The following MAML3 variants were observed in gnomAD, a reference collection of about 807,000 sequenced individuals.
MAML3 encodes the protein mastermind-like protein 3.
In MAML3, 27 loss-of-function variants were observed where a neutral mutation model predicts 101.9. The observed-to-expected ratio is 0.27, with a 90% CI of 0.20 to 0.37. The LOEUF (loss-of-function observed/expected upper bound fraction) is 0.37. MAML3 is among the 10% of genes least tolerant of loss of function. The pLI is 1.00. For missense variants in MAML3, 1,316 were observed against 1,444.9 expected (o/e 0.91, Z 1.45); for synonymous variants, 501 against 555.9 (o/e 0.90, Z 1.39).
rs112674681 is a variant in MAML3, at chr4:139,959,670, A to G, written c.469-68703T>C. Among the ~76,000 whole-genome samples the G allele has an allele frequency of 4.0e-4, 61 of 152,340 alleles. 1 individual carries two copies. Among genetic ancestry groups the G allele is most frequent in the African/African-American group, 1.4e-3 (59 of 41,574 alleles). Reference sequence around the variant, plus strand: ...TGAACAGCTTACCTATAATGGACTAATCTGGGAAAACATTGACGGTATTGA... The same window carrying G: ...TGAACAGCTTACCTATAATGGACTAGTCTGGGAAAACATTGACGGTATTGA... On this transcript the variant is annotated intron_variant, in intron 1 of 4. Coordinates refer to ENST00000509479, the MANE Select transcript of MAML3 (RefSeq NM_018717.5).
intron 2 of MAML3, among the ~76,000 whole-genome samples, chr4:139,842,292 C>A (rs970372942): frequency 2.0e-5 from 3 of 152,174 alleles, no homozygotes; most frequent in Non-Finnish European, 2.9e-5. Context: ...TTTATTCATG[C>A]GAACATACCT....
chr4:139,894,511 AAAAG>A (rs58209239), intron 1 of MAML3, among the ~76,000 whole-genome samples: 33,031 of 136,126 alleles, frequency 0.24, 3,995 homozygotes, highest in Non-Finnish European at 0.27. Flanking sequence ...TCCATCTTAA[AAAAG>A]AAAGAAAGAA....
intron 1 of MAML3, among the ~76,000 whole-genome samples, chr4:139,990,220 T>C (rs1353950872): frequency 2.0e-5 from 3 of 152,194 alleles, no homozygotes; most frequent in African/African-American, 7.2e-5. Context: ...GTGGGCTTCA[T>C]TCCTGGGATG....
intron 1 of MAML3, among the ~76,000 whole-genome samples, chr4:139,943,300 A>G (rs560120443): frequency 7.2e-5 from 11 of 152,240 alleles, no homozygotes; most frequent in Admixed American, 2.6e-4. Context: ...CAGGAAAAGA[A>G]CAAAGAGGGC....
chr4:139,877,243 A>C (rs1732132611), intron 2 of MAML3, among the ~76,000 whole-genome samples: 1 of 152,196 alleles, frequency 6.6e-6, no homozygotes, highest in South Asian at 2.1e-4. Context: ...GATCCGCTGC[A>C]AACCATTTGT....
chr4:140,039,241 C>T lies in MAML3; in HGVS notation c.468+113619G>A, dbSNP rs17005490. On this transcript the variant is annotated intron_variant, in intron 1 of 4. Coordinates refer to ENST00000509479, the MANE Select transcript of MAML3 (RefSeq NM_018717.5). The stretch of plus-strand genomic sequence containing the variant: ...AGAGTAAATTCAAAGGGGAGAACCA[C>T]ACCAGCCTCACAGAAATTTCAGGAA... Among the ~76,000 whole-genome samples, 1,519 of 152,298 alleles carry T rather than the reference C, an allele frequency of 1.0e-2. 24 individuals are homozygous for T. Among genetic ancestry groups the T allele is most frequent in the African/African-American group, 0.034 (1,429 of 41,550 alleles).
At chr4:140,019,426 G>A in intron 1 of MAML3, among the ~76,000 whole-genome samples, 1 of 152,140 alleles carries the variant, frequency 6.6e-6, no homozygotes, top group East Asian at 1.9e-4. Context: ...CCAGCGCTGA[G>A]AAAACAGCCT....
rs149936684 is a variant in MAML3 at position 139,974,029 on chromosome 4, G to C, written c.469-83062C>G. On this transcript the variant is annotated intron_variant, in intron 1 of 4. Transcript: ENST00000509479. Reference sequence around the variant, plus strand: ...TAGAACATCTGTTAATTCAAAATGTGGTTGATGAATTAACGGCCTACAACG... The same window carrying C: ...TAGAACATCTGTTAATTCAAAATGTCGTTGATGAATTAACGGCCTACAACG... Among the ~76,000 whole-genome samples, 129 of 151,940 alleles carry C rather than the reference G, an allele frequency of 8.5e-4. No homozygotes were observed. The Middle Eastern group carries it at 0.017, about 20-fold the overall frequency.
At chr4:139,871,098 T>A (rs1031686395) in intron 2 of MAML3, among the ~76,000 whole-genome samples, 1 of 152,120 alleles carries the variant, frequency 6.6e-6, no homozygotes, top group Non-Finnish European at 1.5e-5. Flanking sequence ...TCATGGTATA[T>A]CATTTTTTCA....
At chr4:140,129,131 G>A (rs1469760606) in intron 1 of MAML3, among the ~76,000 whole-genome samples, 2 of 152,062 alleles carry the variant, frequency 1.3e-5, no homozygotes, top group South Asian at 2.1e-4. Flanking sequence ...ATAATTAGAC[G>A]AGCCTCAGAA....
At chr4:139,743,661 G>C (rs1158666559) in intron 2 of MAML3, among the ~76,000 whole-genome samples, 1 of 152,110 alleles carries the variant, frequency 6.6e-6, no homozygotes, top group Non-Finnish European at 1.5e-5. Context: ...GATACCACAC[G>C]GGGAAAAGCC....
At chr4:139,772,861 C>T (rs1057406968) in intron 2 of MAML3, among the ~76,000 whole-genome samples, 7 of 147,966 alleles carry the variant, frequency 4.7e-5, no homozygotes, top group Non-Finnish European at 3.0e-5. Flanking sequence ...GGGCAGATCA[C>T]GAAGTCAGGA....
At chr4:139,820,857 T>C (rs1190487503) in intron 2 of MAML3, among the ~76,000 whole-genome samples, 1 of 152,210 alleles carries the variant, frequency 6.6e-6, no homozygotes, top group Non-Finnish European at 1.5e-5. Flanking sequence ...TATACATATA[T>C]TTTTGATCAC....
intron 1 of MAML3, among the ~76,000 whole-genome samples, chr4:139,963,982 G>A (rs978913304): frequency 1.3e-4 from 20 of 152,154 alleles, no homozygotes; most frequent in African/African-American, 4.6e-4. Context: ...TGGTAAGATA[G>A]GCCATTAATG....
intron 1 of MAML3, among the ~76,000 whole-genome samples, chr4:140,129,712 G>A (rs1014837279): frequency 1.2e-4 from 18 of 152,188 alleles, no homozygotes; most frequent in African/African-American, 4.3e-4. Flanking sequence ...CATGCCTGCA[G>A]TCCCAGCACT....
In MAML3 at chr4:139,925,536, C is replaced by A. The variant is rs188444058; in HGVS notation, c.469-34569G>T. Among the ~76,000 whole-genome samples the A allele has an allele frequency of 1.9e-4, 29 of 151,998 alleles. No individual in the cohort carries two copies. The East Asian group carries it at 4.5e-3, about 23-fold the overall frequency. On this transcript the variant is annotated intron_variant, in intron 1 of 4. Transcript: ENST00000509479. ...TGAGCCACTGGATCCGGCCCCAGTC[C>A]CTGTACTCTTGATAAGATAAAGTGG...
chr4:139,800,939 T>C (rs931704699), intron 2 of MAML3, among the ~76,000 whole-genome samples: 2 of 152,202 alleles, frequency 1.3e-5, no homozygotes, highest in Non-Finnish European at 2.9e-5. Context: ...AGAGAGAACA[T>C]AAAATGACAT....
At chr4:139,991,951 C>A (rs1002590002) in intron 1 of MAML3, among the ~76,000 whole-genome samples, 3 of 152,126 alleles carry the variant, frequency 2.0e-5, no homozygotes, top group Non-Finnish European at 4.4e-5. Flanking sequence ...TCACCACAAT[C>A]CAGTTTGAGG....
At chr4:140,082,012 A>G (rs965190800) in intron 1 of MAML3, among the ~76,000 whole-genome samples, 1 of 152,244 alleles carries the variant, frequency 6.6e-6, no homozygotes, top group Non-Finnish European at 1.5e-5. Context: ...ACCACCAATG[A>G]CACAAAAACA....
Sources: gnomAD v4.1 joint callset for allele counts (sites outside exome capture counted in the v4.1 genomes callset) on GRCh38, gnomAD v4.1.1 for gene constraint, MANE v1.5 for transcripts, NCBI Gene and HGNC (gene_info 2026-07-23, HGNC 2026-07-21) for gene names.